Variants in HYCC2 observed in about 807,000 individuals in gnomAD.
The protein encoded by HYCC2 is hyccin PI4KA lipid kinase complex subunit 2.
the HYCC2 span, among the ~76,000 whole-genome samples, chr2:201,035,249 T>C: frequency 1.3e-5 from 2 of 152,240 alleles, no homozygotes; most frequent in African/African-American, 2.4e-5. Context: ...CAATCAGACG[T>C]AGATTTGGTC....
the HYCC2 span, among the ~76,000 whole-genome samples, chr2:201,011,895 A>G: frequency 6.6e-6 from 1 of 152,222 alleles, no homozygotes; most frequent in Middle Eastern, 3.2e-3. Flanking sequence ...GAAAACAAGA[A>G]AAACACATTA....
the HYCC2 span, among the ~76,000 whole-genome samples, chr2:201,000,894 G>A: frequency 1.3e-5 from 2 of 151,300 alleles, no homozygotes; most frequent in African/African-American, 2.4e-5. Flanking sequence ...AGCACTTTGG[G>A]AGGCCAAGGC....
chr2:201,020,129 C>T, the HYCC2 span, among the ~76,000 whole-genome samples: 1 of 152,048 alleles, frequency 6.6e-6, no homozygotes, highest in African/African-American at 2.4e-5. Flanking sequence ...TAATTTGAAG[C>T]ATATGTCTCA....
the HYCC2 span, among the ~76,000 whole-genome samples, chr2:201,036,415 C>T: frequency 6.6e-6 from 1 of 152,128 alleles, no homozygotes; most frequent in African/African-American, 2.4e-5. Context: ...CATCCTGATA[C>T]CAAAGCCTGG....
the HYCC2 span, among the ~76,000 whole-genome samples, chr2:201,033,196 T>TGTGTGTGTGTGTGAGA: frequency 2.8e-5 from 3 of 106,210 alleles, no homozygotes; most frequent in African/African-American, 1.1e-4. Flanking sequence ...TGTGTGTGTG[T>TGTGTGTGTGTGTGAGA]GAGAGAGAGA....
chr2:200,997,424 A>C, the HYCC2 span: 1 of 1,437,902 alleles, frequency 7.0e-7, no homozygotes, highest in Non-Finnish European at 9.8e-7. Flanking sequence ...TATGAAGATT[A>C]GTAATAATCA....
At chr2:201,030,033 G>A in the HYCC2 span, among the ~76,000 whole-genome samples, 1 of 152,278 alleles carries the variant, frequency 6.6e-6, no homozygotes, top group African/African-American at 2.4e-5. Flanking sequence ...GCTCCAGTGA[G>A]CTATGACCAT....
At chr2:200,995,358 T>C in the HYCC2 span, among the ~76,000 whole-genome samples, 10 of 152,316 alleles carry the variant, frequency 6.6e-5, no homozygotes, top group Admixed American at 4.6e-4. Flanking sequence ...TGGAGAGCCA[T>C]GATCCCTATG....
chr2:200,991,814 A>G, the HYCC2 span, among the ~76,000 whole-genome samples: 1 of 151,798 alleles, frequency 6.6e-6, no homozygotes, highest in Non-Finnish European at 1.5e-5. Context: ...TAATTCCAGC[A>G]CTCTGGGAGG....
the HYCC2 span, among the ~76,000 whole-genome samples, chr2:201,032,090 A>C: frequency 1.3e-5 from 2 of 152,018 alleles, no homozygotes; most frequent in Non-Finnish European, 2.9e-5. Context: ...CCTCCCGAGT[A>C]TCTGGGATTA....
the HYCC2 span, among the ~76,000 whole-genome samples, chr2:201,013,329 G>A: frequency 6.6e-6 from 1 of 152,066 alleles, no homozygotes; most frequent in South Asian, 2.1e-4. Flanking sequence ...AATTAGCTGG[G>A]CATGGTGGCA....
At chr2:201,029,079 G>C in the HYCC2 span, among the ~76,000 whole-genome samples, 1,725 of 152,186 alleles carry the variant, frequency 0.011, 17 homozygotes, top group Non-Finnish European at 0.017. Context: ...CTAATATCCA[G>C]AATCTACAAA....
chr2:200,998,412 T>C, the HYCC2 span, among the ~76,000 whole-genome samples: 1,121 of 152,304 alleles, frequency 7.4e-3, 18 homozygotes, highest in African/African-American at 0.026. Flanking sequence ...CCTTCTTAAT[T>C]CTCTCTGCTA....
chr2:201,034,581 T>C, the HYCC2 span, among the ~76,000 whole-genome samples: 4 of 152,270 alleles, frequency 2.6e-5, no homozygotes, highest in African/African-American at 7.2e-5. Flanking sequence ...CTATGTCTTT[T>C]AATTGGAGGA....
At chr2:200,974,526 T>C in the HYCC2 span, 3 of 151,980 alleles carry the variant, frequency 2.0e-5, no homozygotes, top group Admixed American at 6.5e-5. Context: ...TTTTTAAACA[T>C]GGAGCATATC....
the HYCC2 span, among the ~76,000 whole-genome samples, chr2:200,999,173 A>G: frequency 6.6e-6 from 1 of 152,196 alleles, no homozygotes; most frequent in Non-Finnish European, 1.5e-5. Context: ...GACCACTCTA[A>G]GAAGAAAGAC....
chr2:200,988,717 T>C, the HYCC2 span, among the ~76,000 whole-genome samples: 1 of 152,238 alleles, frequency 6.6e-6, no homozygotes, highest in Non-Finnish European at 1.5e-5. Context: ...TGTCTGATTC[T>C]TCAGATGATA....
chr2:201,030,945 A>G, the HYCC2 span, among the ~76,000 whole-genome samples: 3 of 152,162 alleles, frequency 2.0e-5, no homozygotes, highest in Non-Finnish European at 4.4e-5. Context: ...TAACTTACTG[A>G]TGGACACAGA....
chr2:201,042,758 C>T, the HYCC2 span, among the ~76,000 whole-genome samples: 2 of 150,438 alleles, frequency 1.3e-5, no homozygotes, highest in Non-Finnish European at 3.0e-5. Flanking sequence ...AGCCCCCGCC[C>T]GCCGCCCCGT....
Sources: gnomAD v4.1 joint callset for allele counts (sites outside exome capture counted in the v4.1 genomes callset) on GRCh38, gnomAD v4.1.1 for gene constraint, MANE v1.5 for transcripts, NCBI Gene and HGNC (gene_info 2026-07-23, HGNC 2026-07-21) for gene names.